CDH11: variants seen among roughly 807,000 people sequenced by gnomAD.
The protein encoded by CDH11 is cadherin-11.
CDH11 carries 11 observed loss-of-function variants against 67.8 expected under a neutral mutation model. The ratio of observed to expected loss-of-function variants is 0.16; its 90% CI spans 0.10 to 0.27. CDH11 has a LOEUF of 0.27. Ranked by LOEUF, CDH11 falls within the 10% of genes least tolerant of loss-of-function variation. The probability of loss-of-function intolerance (pLI) is 1.00; values close to 1 mark genes in which losing one functional copy is unlikely to be tolerated. For missense variants in CDH11, 847 were observed against 1,031.2 expected (o/e 0.82, Z 2.45); for synonymous variants, 419 against 400.0 (o/e 1.05, Z -0.57).
chr16:64,992,599 A>C (rs2072656574), intron 5 of CDH11, among the ~76,000 whole-genome samples: 1 of 152,236 alleles, frequency 6.6e-6, no homozygotes, highest in Non-Finnish European at 1.5e-5. Flanking sequence ...GGCAACAGTT[A>C]TGTGAGGAAT....
intron 2 of CDH11, among the ~76,000 whole-genome samples, chr16:65,024,393 C>T (rs541890674): frequency 6.6e-6 from 1 of 152,220 alleles, no homozygotes; most frequent in Non-Finnish European, 1.5e-5. Flanking sequence ...ATTACCCAGG[C>T]CTTACTCTAA....
chr16:64,971,127 G>C (rs2071992469), intron 11 of CDH11, among the ~76,000 whole-genome samples: 1 of 152,098 alleles, frequency 6.6e-6, no homozygotes, highest in Admixed American at 6.5e-5. Context: ...TTTAGATATT[G>C]AGCTCTGTAC....
intron 8 of CDH11, among the ~76,000 whole-genome samples, chr16:64,976,856 AACC>A: frequency 2.1e-5 from 1 of 47,686 alleles, no homozygotes; most frequent in African/African-American, 4.5e-5. Flanking sequence ...TCCAAAAACC[AACC>A]AACCAACCAA....
Position 65,008,165 on chromosome 16 carries a change from G to A in CDH11, c.-172-3124C>T, listed in dbSNP as rs559855261. Among the ~76,000 whole-genome samples the A allele has an allele frequency of 3.3e-5, 5 of 152,296 alleles. No homozygotes were observed. The South Asian group carries it at 1.0e-3, about 32-fold the overall frequency. The stretch of plus-strand genomic sequence containing the variant: ...CAAAGCACAATTATTTCTAACACTA[G>A]AAGTGTTGAAACAAGATGACAACTT... On this transcript the variant is annotated intron_variant, in intron 2 of 12. Coordinates refer to ENST00000268603, the MANE Select transcript of CDH11 (RefSeq NM_001797.4).
chr16:65,005,081 C>G, intron 2 of CDH11, 40 bp from the exon 3 acceptor site: 1 of 1,340,002 alleles, frequency 7.5e-7, no homozygotes, highest in East Asian at 2.9e-5. Context: ...CAGGCCAAAT[C>G]CCCACTTCAT....
At chr16:65,069,797 C>A (rs1214863239) in intron 1 of CDH11, among the ~76,000 whole-genome samples, 1 of 152,140 alleles carries the variant, frequency 6.6e-6, no homozygotes, top group African/African-American at 2.4e-5. Flanking sequence ...TTAGAAGGTT[C>A]TCCCTGGAAG....
chr16:65,037,969 G>A (rs953174705), intron 2 of CDH11, among the ~76,000 whole-genome samples: 4 of 152,126 alleles, frequency 2.6e-5, no homozygotes, highest in African/African-American at 9.7e-5. Context: ...TGGCAGGGAT[G>A]TATTTCAAGA....
intron 6 of CDH11, among the ~76,000 whole-genome samples, chr16:64,989,442 A>G (rs1467642637): frequency 2.0e-5 from 3 of 152,206 alleles, no homozygotes; most frequent in Non-Finnish European, 4.4e-5. Context: ...AGGAGAAGAC[A>G]TTCTTTAGAA....
Position 65,045,416 on chromosome 16 carries a change from A to G in CDH11, c.-173+8388T>C, listed in dbSNP as rs137960557. On this transcript the variant is annotated intron_variant, in intron 2 of 12. Coordinates refer to ENST00000268603, the MANE Select transcript of CDH11 (RefSeq NM_001797.4). Reference sequence around the variant, plus strand: ...CCTAACAGCTTTTGGAATGGTGCTTAAACTGTAAAAGAGCCCCTAGAAAAG... The same window carrying G: ...CCTAACAGCTTTTGGAATGGTGCTTGAACTGTAAAAGAGCCCCTAGAAAAG... Among the ~76,000 whole-genome samples the G allele has an allele frequency of 3.7e-3, 517 of 139,074 alleles. 4 individuals are homozygous for G. Among genetic ancestry groups the G allele is most frequent in the African/African-American group, 0.012 (459 of 37,194 alleles). 91.2% of individuals were successfully genotyped at this position (139,074 alleles called of 152,430 possible).
intron 8 of CDH11, among the ~76,000 whole-genome samples, chr16:64,980,488 T>C (rs562935561): frequency 6.6e-6 from 1 of 152,194 alleles, no homozygotes; most frequent in Admixed American, 6.5e-5. Flanking sequence ...CTATAGGAGA[T>C]AACACCTAAG....
At chr16:64,993,300 T>C (rs1015943532) in intron 4 of CDH11, among the ~76,000 whole-genome samples, 2 of 151,992 alleles carry the variant, frequency 1.3e-5, no homozygotes, top group African/African-American at 4.8e-5. Flanking sequence ...CCTACATTGG[T>C]TGGTGATTAA....
chr16:64,966,537 A>G (rs1009397179), intron 11 of CDH11, among the ~76,000 whole-genome samples: 12 of 152,086 alleles, frequency 7.9e-5, no homozygotes, highest in Non-Finnish European at 1.5e-4. Flanking sequence ...GGAAGAATAG[A>G]AAGTTAAAAA....
At chr16:64,982,382 C>A (rs35212) in intron 7 of CDH11, 81 bp from the exon 8 acceptor site, 846,998 of 1,050,628 alleles carry the variant, frequency 0.81, 345,552 homozygotes, top group East Asian at 1. Flanking sequence ...TTTATAGGGA[C>A]GAGTGAATAT....
chr16:64,997,789 T>C (rs1201373103), intron 4 of CDH11, among the ~76,000 whole-genome samples: 1 of 152,238 alleles, frequency 6.6e-6, no homozygotes, highest in Non-Finnish European at 1.5e-5. Flanking sequence ...AGTAGGTTGA[T>C]TCCTATACTT....
chr16:64,991,953 C>A lies in CDH11; in HGVS notation c.644-18G>T. On this transcript the variant is annotated intron_variant, in intron 5 of 12. Transcript: ENST00000268603. ...GATGATACCTGGACAGGTAAGCAGGCAACATCACAGATATTCGTTTATAAC... is the reference window on the plus strand; with the variant it reads ...GATGATACCTGGACAGGTAAGCAGGAAACATCACAGATATTCGTTTATAAC... 6.4e-7 allele frequency: 1 copy of A among 1,550,648 alleles called. No homozygotes were observed.
At chr16:65,113,271 G>T (rs1449276675) in intron 1 of CDH11, among the ~76,000 whole-genome samples, 1 of 146,402 alleles carries the variant, frequency 6.8e-6, no homozygotes, top group Non-Finnish European at 1.5e-5. Flanking sequence ...GGGCAACAGA[G>T]CAAGATTCCA....
chr16:65,005,523 T>C lies in CDH11; in HGVS notation c.-172-482A>G, dbSNP rs186189364. On this transcript the variant is annotated intron_variant, in intron 2 of 12. Transcript: ENST00000268603. ...AGGAACATCACATCCAAAAGCACAG[T>C]GTGCTCCAAGATGTTCAGCATGCCT... Among the ~76,000 whole-genome samples the C allele has an allele frequency of 1.1e-4, 16 of 152,142 alleles. No homozygotes were observed. The South Asian group carries it at 1.7e-3, about 16-fold the overall frequency.
At chr16:64,997,086 G>A (rs562444799) in intron 4 of CDH11, among the ~76,000 whole-genome samples, 67 of 151,920 alleles carry the variant, frequency 4.4e-4, no homozygotes, top group African/African-American at 1.5e-3. Flanking sequence ...ATCACTTGAG[G>A]TCAGGAGTTC....
intron 11 of CDH11, among the ~76,000 whole-genome samples, chr16:64,952,687 C>T (rs1870784942): frequency 1.2e-5 from 1 of 84,540 alleles, no homozygotes; most frequent in South Asian, 3.3e-4. Context: ...CACACACACT[C>T]ACACTGAACT....
Sources: gnomAD v4.1 joint callset for allele counts (sites outside exome capture counted in the v4.1 genomes callset) on GRCh38, gnomAD v4.1.1 for gene constraint, MANE v1.5 for transcripts, NCBI Gene and HGNC (gene_info 2026-07-23, HGNC 2026-07-21) for gene names.